RBM46: variants seen among roughly 807,000 people sequenced by gnomAD.
RBM46 encodes RNA binding motif protein 46.
In RBM46, 12 loss-of-function variants were observed where a neutral mutation model predicts 43.3. That is an observed-to-expected ratio of 0.28 (90% CI 0.18 to 0.45). The LOEUF (loss-of-function observed/expected upper bound fraction) is 0.45. Among genes scored for constraint, RBM46 ranks in the 20% least tolerant of loss-of-function variants. RBM46 has a pLI of 1.00. For missense variants in RBM46, 412 were observed against 639.1 expected (o/e 0.64, Z 3.83); for synonymous variants, 205 against 207.6 (o/e 0.99, Z 0.11).
rs909022129 is a variant in RBM46, at chr4:154,781,345, CT to C, written c.-102del. 9.8e-5 allele frequency: 15 copies of C among 152,516 alleles called. No individual in the cohort carries two copies. Among genetic ancestry groups the C allele is most frequent in the African/African-American group, 3.1e-4 (13 of 41,598 alleles). 9.4% of individuals were successfully genotyped at this position (152,516 alleles called of 1,614,324 possible). On this transcript the variant is annotated 5_prime_UTR_variant, in exon 1 of 5. Transcript: ENST00000281722. Reference sequence around the variant, plus strand: ...TACCCTCCCCCTGCGACGACCCCCCCTCGCTCTGACCGACTGGTCCCCTAAA... The same window carrying C: ...TACCCTCCCCCTGCGACGACCCCCCCCGCTCTGACCGACTGGTCCCCTAAA...
At chr4:154,812,698 A>T (rs1030506572) in intron 4 of RBM46, among the ~76,000 whole-genome samples, 1 of 152,112 alleles carries the variant, frequency 6.6e-6, no homozygotes, top group African/African-American at 2.4e-5. Context: ...ATGGCTTGCT[A>T]TTGTAGTATA....
At chr4:154,823,031 T>C (rs1440407906) in intron 4 of RBM46, among the ~76,000 whole-genome samples, 2 of 151,848 alleles carry the variant, frequency 1.3e-5, no homozygotes, top group African/African-American at 4.8e-5. Flanking sequence ...CCCAAATACC[T>C]ATCAACTGAT....
chr4:154,814,423 T>C (rs1735327747), intron 4 of RBM46, among the ~76,000 whole-genome samples: 1 of 152,072 alleles, frequency 6.6e-6, no homozygotes, highest in African/African-American at 2.4e-5. Flanking sequence ...TACCAGTAAG[T>C]AGCAACCTTG....
intron 4 of RBM46, chr4:154,826,737 TCC>T: frequency 1.6e-6 from 2 of 1,235,212 alleles, no homozygotes; most frequent in Non-Finnish European, 1.1e-6. Context: ...TTTTCATTTT[TCC>T]TTTTTTTTTT....
At chr4:154,794,370 C>T (rs959780234) in intron 1 of RBM46, among the ~76,000 whole-genome samples, 9 of 151,712 alleles carry the variant, frequency 5.9e-5, no homozygotes, top group East Asian at 1.9e-4. Context: ...TTACTAGAGA[C>T]GGGGTTTCAC....
At chr4:154,819,843 T>C (rs1338425698) in intron 4 of RBM46, among the ~76,000 whole-genome samples, 1 of 152,132 alleles carries the variant, frequency 6.6e-6, no homozygotes, top group Non-Finnish European at 1.5e-5. Flanking sequence ...TATGACTAAA[T>C]TAGATTTCAA....
intron 4 of RBM46, among the ~76,000 whole-genome samples, chr4:154,803,950 T>C (rs1039466776): frequency 6.6e-6 from 1 of 152,136 alleles, no homozygotes; most frequent in Non-Finnish European, 1.5e-5. Context: ...CTTGGTGCTG[T>C]CTTCGCAATG....
intron 4 of RBM46, among the ~76,000 whole-genome samples, chr4:154,805,210 C>A (rs552496578): frequency 7.2e-5 from 11 of 152,070 alleles, no homozygotes; most frequent in Non-Finnish European, 1.3e-4. Flanking sequence ...ATTAAAATTT[C>A]ATTAGTCCTG....
chr4:154,823,671 A>G (rs75248472), intron 4 of RBM46, among the ~76,000 whole-genome samples: 3,589 of 152,064 alleles, frequency 0.024, 132 homozygotes, highest in African/African-American at 0.079. Context: ...GAAGCAATAT[A>G]TCTATCCACT....
intron 4 of RBM46, among the ~76,000 whole-genome samples, chr4:154,817,840 T>C (rs901906255): frequency 2.6e-5 from 4 of 152,108 alleles, no homozygotes; most frequent in Non-Finnish European, 5.9e-5. Context: ...TTGCCTTTTT[T>C]TTATACAGTG....
rs1235313433 is a variant in RBM46, at chr4:154,823,503, A to G, written c.1403-4365A>G. ...AAGAGTATCTAGTCAGAAACAAAAG[A>G]AAAAGGGAGTCAAAATTAATTTGAG... On this transcript the variant is annotated intron_variant, in intron 4 of 4. Transcript: ENST00000281722. 2.6e-5 allele frequency among the ~76,000 whole-genome samples: 4 copies of G among 152,026 alleles called. No homozygotes were observed. In the East Asian group the frequency reaches 5.8e-4, roughly 22 times the overall value.
At chr4:154,826,439 CAA>C (rs774964261) in intron 4 of RBM46, among the ~76,000 whole-genome samples, 10 of 151,998 alleles carry the variant, frequency 6.6e-5, no homozygotes, top group Non-Finnish European at 1.3e-4. Context: ...GCTTGGGCAA[CAA>C]GAGTGAAACT....
At chr4:154,823,936 A>C (rs1015230370) in intron 4 of RBM46, among the ~76,000 whole-genome samples, 16 of 152,008 alleles carry the variant, frequency 1.1e-4, no homozygotes, top group African/African-American at 3.9e-4. Context: ...ATTACTGCTT[A>C]ATTAGAATTG....
intron 1 of RBM46, among the ~76,000 whole-genome samples, chr4:154,792,178 A>C (rs1734127647): frequency 6.6e-6 from 1 of 152,228 alleles, no homozygotes; most frequent in Admixed American, 6.5e-5. Context: ...ATTTAATAGC[A>C]CTATTACTTT....
At chr4:154,816,117 T>C (rs957966660) in intron 4 of RBM46, among the ~76,000 whole-genome samples, 1 of 152,168 alleles carries the variant, frequency 6.6e-6, no homozygotes, top group African/African-American at 2.4e-5. Flanking sequence ...TGTTTGTTTT[T>C]GCACCAATAC....
intron 1 of RBM46, among the ~76,000 whole-genome samples, chr4:154,791,985 GA>G (rs568643186): frequency 5.5e-4 from 84 of 152,136 alleles, no homozygotes; most frequent in African/African-American, 2.0e-3. Context: ...AAAAAATTGT[GA>G]AAAAAATCTG....
intron 1 of RBM46, among the ~76,000 whole-genome samples, chr4:154,786,853 G>C (rs141118804): frequency 6.6e-6 from 1 of 152,138 alleles, no homozygotes; most frequent in East Asian, 1.9e-4. Flanking sequence ...CTTGAACCTG[G>C]GGGGTGGAGG....
At chr4:154,788,063 T>C (rs990040488) in intron 1 of RBM46, among the ~76,000 whole-genome samples, 21 of 152,212 alleles carry the variant, frequency 1.4e-4, no homozygotes, top group African/African-American at 4.3e-4. Flanking sequence ...TCTGTTTAAG[T>C]TCTTTGGAGA....
intron 4 of RBM46, 47 bp downstream of exon 4, chr4:154,799,611 A>G (rs1005445563): frequency 2.4e-6 from 3 of 1,246,888 alleles, no homozygotes; most frequent in Non-Finnish European, 3.2e-6. Flanking sequence ...AAATTAGGAA[A>G]TACTGTAGAT....
Sources: allele counts gnomAD v4.1 joint callset (sites outside exome capture counted in the v4.1 genomes callset), GRCh38; gene constraint gnomAD v4.1.1; transcripts MANE v1.5; gene names NCBI Gene and HGNC (gene_info 2026-07-23, HGNC 2026-07-21).